Variants in COL5A2 observed in about 807,000 individuals in gnomAD.
The protein encoded by COL5A2 is collagen alpha-2(V) chain.
COL5A2 carries 23 observed loss-of-function variants against 208.2 expected under a neutral mutation model. That is an observed-to-expected ratio of 0.11 (90% CI 0.08 to 0.16). COL5A2 has a LOEUF of 0.16. Ranked by LOEUF, COL5A2 falls within the 10% of genes least tolerant of loss-of-function variation. COL5A2 has a pLI of 1.00. For missense variants in COL5A2, 1,590 were observed against 1,956.4 expected (o/e 0.81, Z 3.53); for synonymous variants, 625 against 628.5 (o/e 0.99, Z 0.08).
At position 189,146,623 on chromosome 2, in the gene COL5A2, G is replaced by A. The variant is rs144732579; in HGVS notation, c.97+32885C>T. On this transcript the variant is annotated intron_variant, in intron 1 of 53. Transcript: ENST00000374866. The stretch of plus-strand genomic sequence containing the variant: ...TAAAATAATTTAATTTTAGTAAAGG[G>A]AACTTAGGAAAATCTGGCCATTATT... 8.7e-3 allele frequency among the ~76,000 whole-genome samples: 1,322 copies of A among 152,110 alleles called. 36 individuals are homozygous for A. The highest frequency in any genetic ancestry group is 0.051 in the Admixed American group (782 of 15,254).
At chr2:189,411,525 G>C in the COL5A2 span, among the ~76,000 whole-genome samples, 7 of 152,086 alleles carry the variant, frequency 4.6e-5, no homozygotes, top group African/African-American at 1.7e-4. Context: ...TTATCACATG[G>C]TTGGAAATCT....
intron 35 of COL5A2, among the ~76,000 whole-genome samples, chr2:189,055,046 C>T (rs913271255): frequency 1.3e-5 from 2 of 151,988 alleles, no homozygotes; most frequent in Non-Finnish European, 2.9e-5. Flanking sequence ...ACCACCACAC[C>T]CGGCTAATTT....
chr2:189,093,379 TA>T (rs1293701345), intron 6 of COL5A2, among the ~76,000 whole-genome samples: 4 of 151,984 alleles, frequency 2.6e-5, no homozygotes, highest in African/African-American at 2.4e-5. Flanking sequence ...GTTTAATAGT[TA>T]AAAAAAGAAC....
At chr2:189,188,419 T>TTTA in intron 1 of COL5A2, among the ~76,000 whole-genome samples, 1 of 152,334 alleles carries the variant, frequency 6.6e-6, no homozygotes, top group Non-Finnish European at 1.5e-5. Context: ...GTTCATTCCT[T>TTTA]TCTTTAAAGC....
At chr2:189,313,714 C>A in the COL5A2 span, among the ~76,000 whole-genome samples, 1 of 152,066 alleles carries the variant, frequency 6.6e-6, no homozygotes, top group East Asian at 1.9e-4. Flanking sequence ...CATGCAATGA[C>A]CCACATGGGC....
chr2:189,418,615 T>C, the COL5A2 span, among the ~76,000 whole-genome samples: 1 of 152,186 alleles, frequency 6.6e-6, no homozygotes, highest in African/African-American at 2.4e-5. Flanking sequence ...AAATAGTAGC[T>C]ATGCAGGCCT....
chr2:189,051,191 A>G lies in COL5A2; in HGVS notation c.2931+129T>C. 1.1e-5 allele frequency: 12 copies of G among 1,096,690 alleles called. No individual in the cohort carries two copies. The South Asian group carries it at 1.6e-4, about 15-fold the overall frequency. 67.9% of individuals were successfully genotyped at this position (1,096,690 alleles called of 1,614,324 possible). A position where few individuals can be genotyped will look rare whatever the true frequency, so the allele number is the denominator to read the frequency against. ...TTTTTCCTAAAGCCTTATAGATTTA[A>G]TGCACTTTAAAAATTTTAGGAATGT... On this transcript the variant is annotated intron_variant, in intron 42 of 53. Transcript: ENST00000374866.
chr2:189,147,918 G>T (rs1266684033), intron 1 of COL5A2, among the ~76,000 whole-genome samples: 1 of 152,100 alleles, frequency 6.6e-6, no homozygotes, highest in African/African-American at 2.4e-5. Flanking sequence ...AAATGAGTTG[G>T]TGGAGAATTT....
the COL5A2 span, chr2:189,311,776 A>G: frequency 1.5e-5 from 13 of 841,634 alleles, no homozygotes; most frequent in Non-Finnish European, 2.6e-5. Context: ...CTTCCAAGCC[A>G]GCTCATCACA....
the COL5A2 span, among the ~76,000 whole-genome samples, chr2:189,435,048 C>T: frequency 2.6e-5 from 4 of 152,192 alleles, no homozygotes; most frequent in Non-Finnish European, 4.4e-5. Flanking sequence ...TGATCTTTGA[C>T]AAACCTGACA....
the COL5A2 span, among the ~76,000 whole-genome samples, chr2:189,380,395 T>C: frequency 3.3e-5 from 5 of 151,870 alleles, no homozygotes; most frequent in Non-Finnish European, 7.4e-5. Context: ...TAGAAAAAGT[T>C]ATAAAAATGT....
At chr2:189,423,048 A>G in the COL5A2 span, among the ~76,000 whole-genome samples, 1 of 151,614 alleles carries the variant, frequency 6.6e-6, no homozygotes, top group African/African-American at 2.4e-5. Context: ...AAAGAAAGAA[A>G]AGAAAATTCA....
At chr2:189,440,035 A>G in the COL5A2 span, among the ~76,000 whole-genome samples, 2 of 152,264 alleles carry the variant, frequency 1.3e-5, no homozygotes, top group South Asian at 4.1e-4. Flanking sequence ...CAGTCATGAA[A>G]GAGAAAGCTG....
At chr2:189,137,783 A>G (rs1576549920) in intron 1 of COL5A2, among the ~76,000 whole-genome samples, 1 of 152,312 alleles carries the variant, frequency 6.6e-6, no homozygotes, top group East Asian at 1.9e-4. Flanking sequence ...GCACAAGGTG[A>G]TGGGTGCATA....
chr2:189,107,486 A>G lies in COL5A2; in HGVS notation c.322+2739T>C, dbSNP rs367717294. On this transcript the variant is annotated intron_variant, in intron 2 of 53. Coordinates refer to ENST00000374866, the MANE Select transcript of COL5A2 (RefSeq NM_000393.5). ...TTTTATGGGACCATGTTTTGGATTT[A>G]CATATTATTTCTACTATATTTCAGT... Among the ~76,000 whole-genome samples the G allele has an allele frequency of 5.9e-5, 9 of 151,438 alleles. No homozygotes were observed. The East Asian group carries it at 1.4e-3, about 23-fold the overall frequency.
chr2:189,175,364 G>C (rs900804751), intron 1 of COL5A2, among the ~76,000 whole-genome samples: 1 of 151,704 alleles, frequency 6.6e-6, no homozygotes, highest in Non-Finnish European at 1.5e-5. Context: ...GAAAGTACAC[G>C]CAATGGCTGG....
At chr2:189,284,538 A>T in the COL5A2 span, among the ~76,000 whole-genome samples, 250 of 152,242 alleles carry the variant, frequency 1.6e-3, 1 homozygote, top group African/African-American at 5.6e-3. Context: ...GAACTCCATC[A>T]CAAGAACAGC....
rs79623676 is a variant in COL5A2 at position 189,052,891 on chromosome 2, C to T, written c.2661+20G>A. On this transcript the variant is annotated intron_variant, in intron 39 of 53. Transcript: ENST00000374866. ...CATGGGGCACTTGACTCAAGTTATG[C>T]CTTTTTCTTGTTAACTTACATGAGG... The T allele has an allele frequency of 1.7e-3, 2,798 of 1,612,430 alleles. 48 individuals are homozygous for T. The African/African-American group carries it at 0.033, about 19-fold the overall frequency.
rs539227430 is a variant in COL5A2, at chr2:189,159,068, T to C, written c.97+20440A>G. The stretch of plus-strand genomic sequence containing the variant: ...CAAATTGGTAAAACATTTCTGCAGA[T>C]GATTACATTTTTAACTCAATTTTAA... On this transcript the variant is annotated intron_variant, in intron 1 of 53. Transcript: ENST00000374866. Among the ~76,000 whole-genome samples the C allele has an allele frequency of 8.5e-5, 13 of 152,288 alleles. 1 individual carries two copies. Among genetic ancestry groups the C allele is most frequent in the African/African-American group, 3.1e-4 (13 of 41,568 alleles).
Sources: gnomAD v4.1 joint callset for allele counts (sites outside exome capture counted in the v4.1 genomes callset) on GRCh38, gnomAD v4.1.1 for gene constraint, MANE v1.5 for transcripts, NCBI Gene and HGNC (gene_info 2026-07-23, HGNC 2026-07-21) for gene names.